The following PCDHGA8 variants were observed in gnomAD, a reference collection of about 807,000 sequenced individuals.
PCDHGA8 encodes the protein protocadherin gamma subfamily A, 8.
A neutral mutation model predicts 59.2 loss-of-function variants in PCDHGA8; 45 were observed. That is an observed-to-expected ratio of 0.76 (90% CI 0.60 to 0.98). The LOEUF (loss-of-function observed/expected upper bound fraction) is 0.98, where lower values mean the gene tolerates loss of function less well. PCDHGA8 is among the 50% of genes least tolerant of loss of function. The pLI, the probability that PCDHGA8 is intolerant of heterozygous loss-of-function variation, is 0.00. For synonymous variants in PCDHGA8, 531 were observed against 519.0 expected (o/e 1.02, Z -0.32); for missense variants, 1,257 against 1,196.2 (o/e 1.05, Z -0.75).
At chr5:141,424,094 A>G (rs1036391991) in intron 1 of PCDHGA8, 11 of 864,422 alleles carry the variant, frequency 1.3e-5, no homozygotes, top group Non-Finnish European at 1.4e-5. Context: ...ATTATTTGCT[A>G]TTACTGCTAA....
rs777552488 is a variant in PCDHGA8, at chr5:141,393,440, C to G, written c.627C>G (p.His209Gln). The G allele has an allele frequency of 6.2e-7, 1 of 1,614,042 alleles. No individual in the cohort carries two copies. The highest frequency in any genetic ancestry group is 1.7e-5 in the Admixed American group (1 of 60,036). ...ALDREEEAAHHLVLTASDGGK... is the reference protein window; with the variant it reads ...ALDREEEAAHQLVLTASDGGK... ...ACAGGGAGGAAGAGGCTGCTCACCACCTGGTCCTCACGGCCTCGGATGGCG... is the reference window on the plus strand; with the variant it reads ...ACAGGGAGGAAGAGGCTGCTCACCAGCTGGTCCTCACGGCCTCGGATGGCG... The change falls in exon 1 of 4, where the codon CAC becomes CAG. Residue 209 changes from histidine (H) to glutamine (Q), a missense_variant. Transcript: ENST00000398604.
chr5:141,439,297 G>T (rs1252051365), intron 1 of PCDHGA8, among the ~76,000 whole-genome samples: 1 of 152,064 alleles, frequency 6.6e-6, no homozygotes, highest in African/African-American at 2.4e-5. Context: ...CATGGAAAAA[G>T]TAAAGCCCAG....
At chr5:141,501,510 T>A (rs11744379) in intron 2 of PCDHGA8, among the ~76,000 whole-genome samples, 1 of 151,824 alleles carries the variant, frequency 6.6e-6, no homozygotes, top group African/African-American at 2.4e-5. Flanking sequence ...CTCCAAGGCC[T>A]CCAAGCTGAA....
At chr5:141,421,941 T>C (rs186605459) in intron 1 of PCDHGA8, 2 of 1,613,456 alleles carry the variant, frequency 1.2e-6, no homozygotes, top group East Asian at 4.5e-5. Context: ...ATGTAAATGA[T>C]CACATCCCAA....
At position 141,429,387 on chromosome 5, in the gene PCDHGA8, TAAAAA is replaced by T. The variant is rs11410533; in HGVS notation, c.2424+34154_2424+34158del. On this transcript the variant is annotated intron_variant, in intron 1 of 3. Transcript: ENST00000398604. ...AAATGGAGAAAATGTGTTTTTTTTT[TAAAAA>T]AAATTGAGATTAAGGTCTCATTATG... 8.8e-4 allele frequency among the ~76,000 whole-genome samples: 134 copies of T among 151,448 alleles called. 1 individual carries two copies. Among genetic ancestry groups the T allele is most frequent in the Non-Finnish European group, 1.5e-3 (103 of 67,818 alleles).
At chr5:141,479,964 A>G (rs188553800) in intron 1 of PCDHGA8, among the ~76,000 whole-genome samples, 1 of 152,330 alleles carries the variant, frequency 6.6e-6, no homozygotes, top group East Asian at 1.9e-4. Context: ...AGTTAGTCAA[A>G]TGAGGTTCTA....
rs61612330 is a variant in PCDHGA8, at chr5:141,454,796, A to ATTTTTTTTTTTTTTTTTTTTTTT, written c.2425-40004_2425-39982dup. Among the ~76,000 whole-genome samples, 6 of 77,456 alleles carry ATTTTTTTTTTTTTTTTTTTTTTT rather than the reference A, an allele frequency of 7.7e-5. 1 individual carries two copies. The highest frequency in any genetic ancestry group is 8.0e-4 in the East Asian group (2 of 2,512). 50.8% of individuals were successfully genotyped at this position (77,456 alleles called of 152,430 possible). Reference sequence around the variant, plus strand: ...AAGGAAATAATCCTCCATGGTTCTAATTTTTTTTTTTTTTTTTTTTTTTTT... The same window carrying ATTTTTTTTTTTTTTTTTTTTTTT: ...AAGGAAATAATCCTCCATGGTTCTAATTTTTTTTTTTTTTTTTTTTTTTTTTTTTTTTTTTTTTTTTTTTTTTT... On this transcript the variant is annotated intron_variant, in intron 1 of 3. Transcript: ENST00000398604.
intron 1 of PCDHGA8, among the ~76,000 whole-genome samples, chr5:141,453,095 G>T (rs1254113352): frequency 6.6e-6 from 1 of 151,962 alleles, no homozygotes; most frequent in African/African-American, 2.4e-5. Flanking sequence ...TATATTTTCT[G>T]TTGCTTTTTT....
chr5:141,426,642 G>T, intron 1 of PCDHGA8: 1 of 411,420 alleles, frequency 2.4e-6, no homozygotes, highest in South Asian at 1.7e-5. Context: ...TCACATAAAT[G>T]TGATGATAGA....
At position 141,511,423 on chromosome 5, in the gene PCDHGA8, A is replaced by G. The variant is rs1301463531; in HGVS notation, c.*250A>G. On this transcript the variant is annotated 3_prime_UTR_variant, in exon 4 of 4. Transcript: ENST00000398604. ...AATCAACTGCTGTACCCATGGGGGTAGTGGGGTTACTGTAGACACCAAGAA... is the reference window on the plus strand; with the variant it reads ...AATCAACTGCTGTACCCATGGGGGTGGTGGGGTTACTGTAGACACCAAGAA... 15 of 818,384 alleles carry G rather than the reference A, an allele frequency of 1.8e-5. No homozygotes were observed. Among genetic ancestry groups the G allele is most frequent in the East Asian group, 3.0e-5 (1 of 33,874 alleles). 50.7% of individuals were successfully genotyped at this position (818,384 alleles called of 1,614,324 possible). A position where few individuals can be genotyped will look rare whatever the true frequency, so the allele number is the denominator to read the frequency against.
chr5:141,414,420 C>G, intron 1 of PCDHGA8: 1 of 1,613,822 alleles, frequency 6.2e-7, no homozygotes, highest in Non-Finnish European at 8.5e-7. Flanking sequence ...GAGCCCTTGA[C>G]AGGGAACAGG....
chr5:141,507,613 T>G (rs1003099044), intron 3 of PCDHGA8, among the ~76,000 whole-genome samples: 1 of 152,248 alleles, frequency 6.6e-6, no homozygotes, highest in African/African-American at 2.4e-5. Context: ...ACAGGTATAT[T>G]TAGCTGTTGT....
chr5:141,414,723 C>A (rs775890033), intron 1 of PCDHGA8: 2 of 1,614,170 alleles, frequency 1.2e-6, no homozygotes, highest in South Asian at 2.2e-5. Flanking sequence ...CAGACACTGG[C>A]GTCCTGTATG....
chr5:141,492,224 T>C (rs2099738444), intron 1 of PCDHGA8, among the ~76,000 whole-genome samples: 1 of 152,134 alleles, frequency 6.6e-6, no homozygotes, highest in South Asian at 2.1e-4. Flanking sequence ...CTCATGCGTG[T>C]CCTCCCTGCT....
chr5:141,402,110 T>G (rs900421956), intron 1 of PCDHGA8, among the ~76,000 whole-genome samples: 1 of 152,150 alleles, frequency 6.6e-6, no homozygotes, highest in Admixed American at 6.5e-5. Context: ...ATTACAAAAA[T>G]GTGAAAATTT....
chr5:141,450,490 T>C (rs1480357834), intron 1 of PCDHGA8, among the ~76,000 whole-genome samples: 1 of 152,164 alleles, frequency 6.6e-6, no homozygotes, highest in Non-Finnish European at 1.5e-5. Context: ...TTTGTTTGTC[T>C]GTTTGTTTGT....
chr5:141,507,915 G>A (rs1324577269), intron 3 of PCDHGA8, among the ~76,000 whole-genome samples: 2 of 152,224 alleles, frequency 1.3e-5, no homozygotes, highest in African/African-American at 4.8e-5. Flanking sequence ...AGCCAGGCCT[G>A]TGGGGCTGCT....
chr5:141,410,101 C>T, intron 1 of PCDHGA8: 1 of 1,612,490 alleles, frequency 6.2e-7, no homozygotes, highest in African/African-American at 1.3e-5. Flanking sequence ...GAGCCTTAGG[C>T]GACAGGGACG....
At chr5:141,458,264 G>A (rs1489144612) in intron 1 of PCDHGA8, among the ~76,000 whole-genome samples, 3 of 152,092 alleles carry the variant, frequency 2.0e-5, no homozygotes, top group Non-Finnish European at 2.9e-5. Flanking sequence ...GATGAGTGGA[G>A]GAACAACAGG....
Sources: gnomAD v4.1 joint callset for allele counts (sites outside exome capture counted in the v4.1 genomes callset) on GRCh38, gnomAD v4.1.1 for gene constraint, MANE v1.5 for transcripts, NCBI Gene and HGNC (gene_info 2026-07-23, HGNC 2026-07-21) for gene names.